The following KCNIP3 variants were observed in gnomAD, a reference collection of about 807,000 sequenced individuals.
KCNIP3 encodes the protein calsenilin.
In KCNIP3, 28 loss-of-function variants were observed where a neutral mutation model predicts 35.0. The observed-to-expected ratio is 0.80, with a 90% CI of 0.59 to 1.10. KCNIP3 has a LOEUF of 1.10. Among genes scored for constraint, KCNIP3 ranks in the 50% least tolerant of loss-of-function variants. KCNIP3 has a pLI of 0.00. For missense variants in KCNIP3, 295 were observed against 338.4 expected (o/e 0.87, Z 1.01); for synonymous variants, 134 against 133.8 (o/e 1.00, Z -0.01).
intron 1 of KCNIP3, among the ~76,000 whole-genome samples, chr2:95,304,261 G>A (rs1558756940): frequency 6.6e-6 from 1 of 152,196 alleles, no homozygotes; most frequent in Non-Finnish European, 1.5e-5. Flanking sequence ...GAATTTTAGT[G>A]AATTCATTTA....
intron 2 of KCNIP3, among the ~76,000 whole-genome samples, chr2:95,323,222 C>T (rs1678640452): frequency 6.6e-6 from 1 of 152,240 alleles, no homozygotes; most frequent in Non-Finnish European, 1.5e-5. Context: ...GCCCCATGGC[C>T]ACCTTCCTGG....
chr2:95,324,478 A>G lies in KCNIP3; in HGVS notation c.181+13958A>G, dbSNP rs1467662685. Among the ~76,000 whole-genome samples, 3 of 151,630 alleles carry G rather than the reference A, an allele frequency of 2.0e-5. No individual in the cohort carries two copies. In the East Asian group the frequency reaches 5.8e-4, roughly 30 times the overall value. On this transcript the variant is annotated intron_variant, in intron 2 of 8. Transcript: ENST00000295225. ...GCAGTAAGCGAGATTGCGCCACTGC[A>G]CTCCAGCTTGGGCGACAGAGCGAGA...
At chr2:95,325,965 A>C (rs539042618) in intron 2 of KCNIP3, among the ~76,000 whole-genome samples, 8 of 150,948 alleles carry the variant, frequency 5.3e-5, no homozygotes, top group East Asian at 4.0e-4. Flanking sequence ...ACACACACTC[A>C]TAGGCACACA....
chr2:95,342,594 G>A lies in KCNIP3; in HGVS notation c.182-31702G>A, dbSNP rs142241507. Among the ~76,000 whole-genome samples, 47 of 152,334 alleles carry A rather than the reference G, an allele frequency of 3.1e-4. 1 individual carries two copies. In the South Asian group the frequency reaches 3.7e-3, roughly 12 times the overall value. ...TTAGATGTGTCATGGGGCACGCAGC[G>A]TTGCCAGCTGGACTTGATCTCTTTG... On this transcript the variant is annotated intron_variant, in intron 2 of 8. Coordinates refer to ENST00000295225, the MANE Select transcript of KCNIP3 (RefSeq NM_013434.5).
Position 95,382,434 on chromosome 2 carries a change from A to C in KCNIP3, c.613A>C (p.Ile205Leu). Residue 205 changes from isoleucine to leucine, a missense_variant, in exon 7 of 9, where the codon ATC becomes CTC. By Grantham distance (5) the Ile-to-Leu change is conservative. Transcript: ENST00000295225. The surrounding 1 kb of genome is among the most constrained non-coding windows in gnomAD (Gnocchi z 4.5). Reference protein sequence around the residue: ...YDMMGRHTYPILREDAPAEHV... With the variant: ...YDMMGRHTYPLLREDAPAEHV... ...CATGATGGGCCGCCACACCTACCCC[A>C]TCCTGCGGGAGGACGCGCCGGCGGA... The C allele has an allele frequency of 6.2e-7, 1 of 1,608,814 alleles. No homozygotes were observed. The highest frequency in any genetic ancestry group is 8.5e-7 in the Non-Finnish European group (1 of 1,177,882).
chr2:95,321,734 A>T (rs1406039425), intron 2 of KCNIP3, among the ~76,000 whole-genome samples: 2 of 152,144 alleles, frequency 1.3e-5, no homozygotes, highest in Non-Finnish European at 2.9e-5. Context: ...GGGATATGAA[A>T]CTGAGAAAGA....
chr2:95,350,464 A>C (rs1679485654), intron 2 of KCNIP3, among the ~76,000 whole-genome samples: 1 of 152,170 alleles, frequency 6.6e-6, no homozygotes, highest in African/African-American at 2.4e-5. Flanking sequence ...TGTTAAATTC[A>C]TGAGGGAACC....
At position 95,297,356 on chromosome 2, in the gene KCNIP3, G is replaced by A; in HGVS notation, c.-83G>A. 2 of 1,405,376 alleles carry A rather than the reference G, an allele frequency of 1.4e-6. No individual in the cohort carries two copies. The highest frequency in any genetic ancestry group is 9.8e-7 in the Non-Finnish European group (1 of 1,016,446). 87.1% of individuals were successfully genotyped at this position (1,405,376 alleles called of 1,614,324 possible). A position where few individuals can be genotyped will look rare whatever the true frequency, so the allele number is the denominator to read the frequency against. ...ACGTCTGGGTCCAAGCAAACATGAG[G>A]CAGCTGCCAGCCGGCCTGGGCAGTC... On this transcript the variant is annotated 5_prime_UTR_variant, in exon 1 of 9. Coordinates refer to ENST00000295225, the MANE Select transcript of KCNIP3 (RefSeq NM_013434.5).
At chr2:95,319,555 G>A (rs896473396) in intron 2 of KCNIP3, among the ~76,000 whole-genome samples, 1 of 152,136 alleles carries the variant, frequency 6.6e-6, no homozygotes, top group Non-Finnish European at 1.5e-5. Context: ...TCCAAGCTGG[G>A]TGCTCCTCCT....
intron 2 of KCNIP3, among the ~76,000 whole-genome samples, chr2:95,366,344 G>A (rs576262115): frequency 6.6e-6 from 1 of 152,240 alleles, no homozygotes; most frequent in Admixed American, 6.5e-5. Context: ...TTGCATGTGC[G>A]ATTCATTCAT....
intron 1 of KCNIP3, among the ~76,000 whole-genome samples, chr2:95,302,189 TG>T (rs1344025300): frequency 1.4e-5 from 2 of 146,606 alleles, no homozygotes; most frequent in East Asian, 4.1e-4. Flanking sequence ...GTGGACAGGG[TG>T]GGGGGTGGGG....
intron 2 of KCNIP3, among the ~76,000 whole-genome samples, chr2:95,316,720 C>T (rs1678469570): frequency 6.6e-6 from 1 of 152,208 alleles, no homozygotes; most frequent in South Asian, 2.1e-4. Context: ...GCTGCCCTCA[C>T]TGCGAGGAAG....
chr2:95,325,882 TAC>T (rs568958574), intron 2 of KCNIP3, among the ~76,000 whole-genome samples: 80 of 132,596 alleles, frequency 6.0e-4, no homozygotes, highest in Non-Finnish European at 7.8e-4. Context: ...CACTCAGACA[TAC>T]ACACACTCAT....
intron 2 of KCNIP3, among the ~76,000 whole-genome samples, chr2:95,358,165 C>G (rs1422645544): frequency 6.6e-6 from 1 of 152,154 alleles, no homozygotes; most frequent in Non-Finnish European, 1.5e-5. Context: ...CTGCTTCTCT[C>G]CTATGTGGCA....
At chr2:95,322,778 G>A (rs1208315207) in intron 2 of KCNIP3, among the ~76,000 whole-genome samples, 1 of 152,172 alleles carries the variant, frequency 6.6e-6, no homozygotes, top group African/African-American at 2.4e-5. Context: ...GTGTGCTTGC[G>A]GCTCCTGTTC....
At chr2:95,363,063 A>G (rs989024175) in intron 2 of KCNIP3, among the ~76,000 whole-genome samples, 11 of 152,150 alleles carry the variant, frequency 7.2e-5, no homozygotes, top group African/African-American at 2.4e-4. Context: ...ACTCTACGCT[A>G]TCTTCTTCTA....
intron 2 of KCNIP3, among the ~76,000 whole-genome samples, chr2:95,336,390 A>C (rs1679059578): frequency 6.6e-6 from 1 of 152,350 alleles, no homozygotes; most frequent in Admixed American, 6.5e-5. Flanking sequence ...CAATGATACA[A>C]GATCCAAATT....
rs1355102857 is a variant in KCNIP3 at position 95,357,840 on chromosome 2, G to C, written c.182-16456G>C. ...TGCCCTGCCTTGCTGGCCTCGCCTT[G>C]CTGTGGCTGGAGCTGGAACTGGCTG... On this transcript the variant is annotated intron_variant, in intron 2 of 8. Transcript: ENST00000295225. Among the ~76,000 whole-genome samples, 5 of 152,242 alleles carry C rather than the reference G, an allele frequency of 3.3e-5. No individual in the cohort carries two copies. The East Asian group carries it at 9.6e-4, about 29-fold the overall frequency.
intron 2 of KCNIP3, among the ~76,000 whole-genome samples, chr2:95,325,802 C>T (rs1678741603): frequency 6.6e-6 from 1 of 151,130 alleles, no homozygotes; most frequent in African/African-American, 2.4e-5. Flanking sequence ...CTCATACACA[C>T]ATACACTCAT....
Sources: allele counts gnomAD v4.1 joint callset (sites outside exome capture counted in the v4.1 genomes callset), GRCh38; gene constraint gnomAD v4.1.1; non-coding constraint Gnocchi (gnomAD v3.1); transcripts MANE v1.5; gene names NCBI Gene and HGNC (gene_info 2026-07-23, HGNC 2026-07-21).